The following ATP2B2 variants were observed in gnomAD, a reference collection of about 807,000 sequenced individuals.
The protein encoded by ATP2B2 is plasma membrane calcium-transporting ATPase 2.
A neutral mutation model predicts 120.0 loss-of-function variants in ATP2B2; 15 were observed. That is an observed-to-expected ratio of 0.12 (90% CI 0.08 to 0.19). The LOEUF is 0.19. Among genes scored for constraint, ATP2B2 ranks in the 10% least tolerant of loss-of-function variants. The pLI is 1.00. For synonymous variants in ATP2B2, 694 were observed against 700.3 expected (o/e 0.99, Z 0.14); for missense variants, 1,045 against 1,719.8 (o/e 0.61, Z 6.94).
At chr3:10,636,675 A>G (rs962277646) in intron 1 of ATP2B2, among the ~76,000 whole-genome samples, 8 of 152,204 alleles carry the variant, frequency 5.3e-5, no homozygotes, top group Non-Finnish European at 8.8e-5. Context: ...TAGAGATGAA[A>G]AACAAAATAG....
intron 1 of ATP2B2, among the ~76,000 whole-genome samples, chr3:10,692,676 G>A (rs1271741724): frequency 1.3e-5 from 2 of 152,194 alleles, no homozygotes; most frequent in African/African-American, 4.8e-5. Flanking sequence ...CCTCCCCAGG[G>A]CAACACTGGG....
chr3:10,667,441 G>T (rs2070971888), intron 1 of ATP2B2, among the ~76,000 whole-genome samples: 1 of 152,172 alleles, frequency 6.6e-6, no homozygotes. Context: ...CAGAAGCCAG[G>T]TAGCAGGGAA....
intron 2 of ATP2B2, among the ~76,000 whole-genome samples, chr3:10,541,354 G>A (rs2067435934): frequency 6.6e-6 from 1 of 151,966 alleles, no homozygotes. Context: ...TCAAAGTAGG[G>A]GCTTAGATTG....
chr3:10,690,020 C>T (rs762313211), intron 1 of ATP2B2, among the ~76,000 whole-genome samples: 55 of 152,324 alleles, frequency 3.6e-4, no homozygotes, highest in Non-Finnish European at 5.6e-4. Context: ...GCCAGTCCAC[C>T]GCCTATCCCT....
chr3:10,407,300 C>G (rs1421623048), intron 3 of ATP2B2, among the ~76,000 whole-genome samples: 4 of 152,222 alleles, frequency 2.6e-5, no homozygotes, highest in Non-Finnish European at 4.4e-5. Flanking sequence ...TGAGTTCAAA[C>G]ACAATGTGAG....
intron 1 of ATP2B2, among the ~76,000 whole-genome samples, chr3:10,642,274 C>CTGT (rs2070194231): frequency 1.3e-5 from 2 of 152,306 alleles, no homozygotes; most frequent in Admixed American, 1.3e-4. Context: ...TATTCATGTA[C>CTGT]AGCACTTTGA....
In ATP2B2 at chr3:10,512,472, A is replaced by G. The variant is rs933164201; in HGVS notation, c.-320+21567T>C. The stretch of plus-strand genomic sequence containing the variant: ...GGTGCTAAAGTGTGTGCGCACACAC[A>G]CACACACACACACACACACACACAC... On this transcript the variant is annotated intron_variant, in intron 3 of 21. Coordinates refer to the ATP2B2 transcript ENST00000646379. Among the ~76,000 whole-genome samples the G allele has an allele frequency of 0.031, 1,840 of 58,766 alleles. 73 individuals carry two copies. The East Asian group carries it at 0.37, about 12-fold the overall frequency. 38.6% of individuals were successfully genotyped at this position (58,766 alleles called of 152,430 possible).
intron 5 of ATP2B2, among the ~76,000 whole-genome samples, chr3:10,398,643 G>T (rs996862311): frequency 6.6e-6 from 1 of 152,184 alleles, no homozygotes; most frequent in Non-Finnish European, 1.5e-5. Flanking sequence ...CCAAGGGCCT[G>T]CAGGCCTCAG....
At chr3:10,447,309 G>A (rs771735704) in intron 2 of ATP2B2, among the ~76,000 whole-genome samples, 38 of 152,326 alleles carry the variant, frequency 2.5e-4, no homozygotes, top group Non-Finnish European at 4.0e-4. Flanking sequence ...AGTACAGAGC[G>A]GGCTCCCAGG....
chr3:10,458,182 C>T (rs949946972), intron 1 of ATP2B2, among the ~76,000 whole-genome samples: 9 of 152,094 alleles, frequency 5.9e-5, no homozygotes, highest in Admixed American at 2.0e-4. Flanking sequence ...ATCCACCTAC[C>T]CAATAAAACT....
chr3:10,419,244 A>C lies in ATP2B2; in HGVS notation c.200-8429T>G, dbSNP rs927233633. The stretch of plus-strand genomic sequence containing the variant: ...CCACGGGTGGCCACGTGCCCCCTGT[A>C]AGAGCCACTTAATGGACTTGGGACA... On this transcript the variant is annotated intron_variant, in intron 2 of 22. Transcript: ENST00000360273. Among the ~76,000 whole-genome samples the C allele has an allele frequency of 3.3e-5, 5 of 152,204 alleles. No individual in the cohort carries two copies. In the South Asian group the frequency reaches 1.0e-3, roughly 32 times the overall value.
chr3:10,523,545 G>C (rs181928743), intron 3 of ATP2B2, among the ~76,000 whole-genome samples: 1 of 152,210 alleles, frequency 6.6e-6, no homozygotes, highest in Non-Finnish European at 1.5e-5. Flanking sequence ...CATAAATTGC[G>C]AATCTTTGCT....
At chr3:10,399,009 C>G (rs1041907872) in intron 5 of ATP2B2, among the ~76,000 whole-genome samples, 3 of 152,204 alleles carry the variant, frequency 2.0e-5, no homozygotes, top group Admixed American at 6.5e-5. Context: ...TGCCCTCCTC[C>G]TTGGCTGGTT....
intron 1 of ATP2B2, among the ~76,000 whole-genome samples, chr3:10,462,183 C>T (rs976894967): frequency 2.0e-5 from 3 of 152,210 alleles, no homozygotes; most frequent in South Asian, 2.1e-4. Context: ...AACCGACCTT[C>T]TTGTGGTTGC....
At chr3:10,366,013 G>C (rs758004968) in intron 12 of ATP2B2, among the ~76,000 whole-genome samples, 1 of 151,966 alleles carries the variant, frequency 6.6e-6, no homozygotes, top group East Asian at 1.9e-4. Flanking sequence ...TGTTGAATTC[G>C]ACACCCAGGC....
At chr3:10,352,930 G>A (rs189799907) in intron 14 of ATP2B2, among the ~76,000 whole-genome samples, 1 of 150,668 alleles carries the variant, frequency 6.6e-6, no homozygotes, top group Admixed American at 6.6e-5. Flanking sequence ...AGTTGGAAAG[G>A]GTTTTGGGTC....
At chr3:10,674,222 C>G (rs534965643) in intron 1 of ATP2B2, among the ~76,000 whole-genome samples, 1 of 152,314 alleles carries the variant, frequency 6.6e-6, no homozygotes, top group East Asian at 1.9e-4. Flanking sequence ...AATTTACTCT[C>G]TACCTGGTTG....
chr3:10,471,160 G>A (rs532418141), intron 1 of ATP2B2, among the ~76,000 whole-genome samples: 1 of 152,188 alleles, frequency 6.6e-6, no homozygotes, highest in Non-Finnish European at 1.5e-5. Flanking sequence ...CAGGGAACCC[G>A]CTCAGAAGCC....
At chr3:10,364,477 G>C (rs142028022) in intron 12 of ATP2B2, among the ~76,000 whole-genome samples, 3 of 152,266 alleles carry the variant, frequency 2.0e-5, no homozygotes, top group African/African-American at 7.2e-5. Flanking sequence ...TTGGGAAGCT[G>C]AGGTGGGAGG....
Sources: gnomAD v4.1 joint callset for allele counts (sites outside exome capture counted in the v4.1 genomes callset) on GRCh38, gnomAD v4.1.1 for gene constraint, MANE v1.5 for transcripts, NCBI Gene and HGNC (gene_info 2026-07-23, HGNC 2026-07-21) for gene names.